The following PPP2R2B variants were observed in gnomAD, a reference collection of about 807,000 sequenced individuals.
PPP2R2B encodes the protein serine/threonine-protein phosphatase 2A 55 kDa regulatory subunit B beta isoform.
In PPP2R2B, 5 loss-of-function variants were observed where a neutral mutation model predicts 46.0. That is an observed-to-expected ratio of 0.11 (90% CI 0.06 to 0.23). PPP2R2B has a LOEUF of 0.23. Among genes scored for constraint, PPP2R2B ranks in the 10% least tolerant of loss-of-function variants. PPP2R2B has a pLI of 1.00. For synonymous variants in PPP2R2B, 215 were observed against 206.7 expected (o/e 1.04, Z -0.34); for missense variants, 367 against 575.0 (o/e 0.64, Z 3.70).
intron 2 of PPP2R2B, among the ~76,000 whole-genome samples, chr5:147,077,295 CA>C (rs1757811706): frequency 2.0e-5 from 3 of 147,746 alleles, no homozygotes; most frequent in African/African-American, 5.1e-5. Flanking sequence ...CACACACACA[CA>C]CACACACACA....
intron 2 of PPP2R2B, among the ~76,000 whole-genome samples, chr5:146,731,445 T>C (rs780517191): frequency 2.6e-5 from 4 of 152,232 alleles, no homozygotes; most frequent in Non-Finnish European, 5.9e-5. Context: ...TACTGTACTA[T>C]GAGTACTTTA....
At chr5:147,054,702 C>T (rs747343085) in intron 1 of PPP2R2B, 36 of 456,006 alleles carry the variant, frequency 7.9e-5, no homozygotes, top group East Asian at 3.5e-4. Flanking sequence ...ACAGGCTGGT[C>T]GCCAGCTCAG....
intron 5 of PPP2R2B, among the ~76,000 whole-genome samples, chr5:146,678,267 T>C (rs1777885013): frequency 1.3e-5 from 2 of 151,594 alleles, no homozygotes; most frequent in African/African-American, 4.9e-5. Flanking sequence ...TAATCCAGCA[T>C]ATAAACAGAG....
At chr5:146,843,106 G>C (rs1444698045) in intron 2 of PPP2R2B, among the ~76,000 whole-genome samples, 1 of 152,216 alleles carries the variant, frequency 6.6e-6, no homozygotes, top group Non-Finnish European at 1.5e-5. Context: ...AGAATCTCTT[G>C]AACCTGGGAG....
At chr5:146,692,633 A>G (rs1376992316) in intron 4 of PPP2R2B, among the ~76,000 whole-genome samples, 2 of 144,540 alleles carry the variant, frequency 1.4e-5, no homozygotes. Flanking sequence ...TCCTGGGTTC[A>G]TGACATTCTC....
At chr5:146,734,629 CT>C (rs1479600214) in intron 2 of PPP2R2B, among the ~76,000 whole-genome samples, 1 of 152,142 alleles carries the variant, frequency 6.6e-6, no homozygotes, top group African/African-American at 2.4e-5. Flanking sequence ...ACCCCACCCC[CT>C]GGCCATGCTT....
intron 1 of PPP2R2B, among the ~76,000 whole-genome samples, chr5:147,033,667 A>T (rs994852085): frequency 6.6e-6 from 1 of 152,092 alleles, no homozygotes; most frequent in African/African-American, 2.4e-5. Context: ...CCTACATAGC[A>T]AGTCAAGCCT....
chr5:146,695,395 A>C (rs967076069), intron 4 of PPP2R2B, among the ~76,000 whole-genome samples: 9 of 152,184 alleles, frequency 5.9e-5, no homozygotes, highest in African/African-American at 2.2e-4. Context: ...GAGGTAAAAC[A>C]ATGTGTTTTT....
chr5:146,710,274 G>T (rs941673427), intron 2 of PPP2R2B, among the ~76,000 whole-genome samples: 3 of 152,142 alleles, frequency 2.0e-5, no homozygotes, highest in Non-Finnish European at 4.4e-5. Flanking sequence ...AGCCCACCAT[G>T]CTTGCTGAGC....
At chr5:147,049,376 C>CT (rs543806879) in intron 1 of PPP2R2B, among the ~76,000 whole-genome samples, 32 of 150,444 alleles carry the variant, frequency 2.1e-4, no homozygotes, top group East Asian at 5.9e-4. Context: ...ACAAACAGGG[C>CT]TTTTTTTTTA....
At position 146,850,051 on chromosome 5, in the gene PPP2R2B, A is replaced by C. The variant is rs1172826552; in HGVS notation, c.70+27951T>G. ...CTAAAGTGATGCATCAGCTGGAAGT[A>C]TAACTGGGCTCTAATGTGACACTCT... On this transcript the variant is annotated intron_variant, in intron 2 of 9. Transcript: ENST00000394411. 2.0e-5 allele frequency among the ~76,000 whole-genome samples: 3 copies of C among 152,296 alleles called. No homozygotes were observed. In the East Asian group the frequency reaches 5.8e-4, roughly 29 times the overall value.
chr5:146,635,790 C>A (rs77741221), intron 7 of PPP2R2B, among the ~76,000 whole-genome samples: 8,822 of 152,292 alleles, frequency 0.058, 273 homozygotes, highest in Non-Finnish European at 0.076. Flanking sequence ...CCCTTAGGCA[C>A]ACATTTATTA....
intron 2 of PPP2R2B, among the ~76,000 whole-genome samples, chr5:146,874,113 C>CT (rs1561978104): frequency 6.6e-6 from 1 of 152,220 alleles, no homozygotes; most frequent in Non-Finnish European, 1.5e-5. Flanking sequence ...ACCTTTCCAC[C>CT]TTATGACCCC....
At chr5:146,680,307 A>G (rs567872407) in intron 5 of PPP2R2B, among the ~76,000 whole-genome samples, 1 of 148,626 alleles carries the variant, frequency 6.7e-6, no homozygotes, top group African/African-American at 2.5e-5. Context: ...AAAAAACCAA[A>G]CACCGCATAT....
chr5:147,019,123 A>G (rs1755140918), intron 1 of PPP2R2B, among the ~76,000 whole-genome samples: 1 of 152,194 alleles, frequency 6.6e-6, no homozygotes, highest in African/African-American at 2.4e-5. Flanking sequence ...GCACTTAGTT[A>G]GAAATGTAGA....
chr5:146,731,451 C>T (rs1048537068), intron 2 of PPP2R2B, among the ~76,000 whole-genome samples: 8 of 152,170 alleles, frequency 5.3e-5, no homozygotes, highest in African/African-American at 9.7e-5. Context: ...ACTATGAGTA[C>T]TTTATGTGGC....
At chr5:146,726,829 C>T (rs1248723600) in intron 2 of PPP2R2B, among the ~76,000 whole-genome samples, 2 of 152,092 alleles carry the variant, frequency 1.3e-5, no homozygotes, top group African/African-American at 4.8e-5. Context: ...CCTGGGGAAT[C>T]ATCAGGATGC....
At chr5:146,730,603 G>A (rs771624176) in intron 2 of PPP2R2B, among the ~76,000 whole-genome samples, 75 of 152,234 alleles carry the variant, frequency 4.9e-4, no homozygotes, top group African/African-American at 1.6e-3. Flanking sequence ...AGTCTTTCCC[G>A]TGCTAGTCTC....
intron 5 of PPP2R2B, among the ~76,000 whole-genome samples, chr5:146,685,321 C>T (rs1778423803): frequency 6.6e-6 from 1 of 152,198 alleles, no homozygotes; most frequent in African/African-American, 2.4e-5. Flanking sequence ...TCTGTTTATA[C>T]ATCTCTAAAA....
Sources: gnomAD v4.1 joint callset for allele counts (sites outside exome capture counted in the v4.1 genomes callset) on GRCh38, gnomAD v4.1.1 for gene constraint, MANE v1.5 for transcripts, NCBI Gene and HGNC (gene_info 2026-07-23, HGNC 2026-07-21) for gene names.